Variants in SIPA1L3 observed in about 807,000 individuals in gnomAD.
SIPA1L3 encodes the protein signal induced proliferation associated 1 like 3.
SIPA1L3 carries 59 observed loss-of-function variants against 150.1 expected under a neutral mutation model. The observed-to-expected ratio is 0.39, with a 90% CI of 0.32 to 0.49. The LOEUF (loss-of-function observed/expected upper bound fraction) is 0.49, where lower values mean the gene tolerates loss of function less well. SIPA1L3 is among the 20% of genes least tolerant of loss of function. The pLI, the probability that SIPA1L3 is intolerant of heterozygous loss-of-function variation, is 0.86. For synonymous variants in SIPA1L3, 1,070 were observed against 1,077.6 expected (o/e 0.99, Z 0.14); for missense variants, 2,211 against 2,489.5 (o/e 0.89, Z 2.38).
chr19:38,102,287 T>C (rs184112872), intron 6 of SIPA1L3, among the ~76,000 whole-genome samples: 18,693 of 143,874 alleles, frequency 0.13, 1,451 homozygotes, highest in African/African-American at 0.16. Context: ...CCTCGTGATC[T>C]GCCCACCTCG....
chr19:38,004,345 G>A (rs1967883549), intron 1 of SIPA1L3, among the ~76,000 whole-genome samples: 1 of 152,228 alleles, frequency 6.6e-6, no homozygotes, highest in Non-Finnish European at 1.5e-5. Context: ...TTACTTGGTT[G>A]CAAGTAACAA....
chr19:38,022,569 G>A (rs528899448), intron 1 of SIPA1L3, among the ~76,000 whole-genome samples: 6 of 140,986 alleles, frequency 4.3e-5, no homozygotes, highest in East Asian at 4.2e-4. Flanking sequence ...AAAATCGGGC[G>A]TGGTGGCAGG....
At chr19:37,950,099 A>T (rs952120417) in intron 1 of SIPA1L3, among the ~76,000 whole-genome samples, 14 of 151,082 alleles carry the variant, frequency 9.3e-5, no homozygotes, top group Admixed American at 5.3e-4. Flanking sequence ...AAAAAAAAAA[A>T]AGAGTGTGAC....
At position 38,164,550 on chromosome 19, in the gene SIPA1L3, C is replaced by T. The variant is rs372019990; in HGVS notation, c.3852C>T (p.Asp1284=). The T allele has an allele frequency of 9.3e-6, 15 of 1,613,986 alleles. No individual in the cohort carries two copies. Among genetic ancestry groups the T allele is most frequent in the African/African-American group, 5.3e-5 (4 of 74,938 alleles). The stretch of plus-strand genomic sequence containing the variant: ...GCAACGCATCCAGCAGCCACAGCGA[C>T]GACCGCTGGTTCGACCCCCTGGACC... ...LSSNASSSHS[D]DRWFDPLDPL... Residue 1284 remains aspartate, a synonymous_variant, in exon 15 of 22, where the codon GAC becomes GAT. Coordinates refer to ENST00000222345, the MANE Select transcript of SIPA1L3 (RefSeq NM_015073.3). The surrounding 1 kb of genome is among the most constrained non-coding windows in gnomAD (Gnocchi z 4.1).
chr19:37,968,160 C>T (rs995714191), intron 1 of SIPA1L3, among the ~76,000 whole-genome samples: 2 of 151,504 alleles, frequency 1.3e-5, no homozygotes, highest in African/African-American at 2.4e-5. Context: ...GCAACCTCTG[C>T]CTCCCGGGTT....
chr19:38,000,564 C>A (rs1433388656), intron 1 of SIPA1L3, among the ~76,000 whole-genome samples: 1 of 149,542 alleles, frequency 6.7e-6, no homozygotes, highest in Non-Finnish European at 1.5e-5. Context: ...GAGGGAAGCA[C>A]TTTTCTCCCC....
chr19:37,985,270 C>T (rs1156982117), intron 1 of SIPA1L3, among the ~76,000 whole-genome samples: 1 of 151,002 alleles, frequency 6.6e-6, no homozygotes, highest in African/African-American at 2.4e-5. Flanking sequence ...AATCTTGGCT[C>T]ACTGCAGCCT....
Position 38,013,950 on chromosome 19 carries a change from T to C in SIPA1L3, c.-378-15139T>C, listed in dbSNP as rs976302423. ...CAGAGAAGTAAATTTGATAAGATCC[T>C]GTTGATGTAAAATACAGCGACAAAA... On this transcript the variant is annotated intron_variant, in intron 1 of 21. Coordinates refer to ENST00000222345, the MANE Select transcript of SIPA1L3 (RefSeq NM_015073.3). Among the ~76,000 whole-genome samples, 13 of 152,248 alleles carry C rather than the reference T, an allele frequency of 8.5e-5. 1 individual carries two copies. Among genetic ancestry groups the C allele is most frequent in the African/African-American group, 3.1e-4 (13 of 41,470 alleles).
At chr19:38,035,884 G>A (rs556727129) in intron 2 of SIPA1L3, among the ~76,000 whole-genome samples, 24 of 152,306 alleles carry the variant, frequency 1.6e-4, no homozygotes, top group African/African-American at 5.8e-4. Context: ...AGCTGCTGCT[G>A]TTGTGATTAT....
intron 15 of SIPA1L3, among the ~76,000 whole-genome samples, chr19:38,177,586 A>ATG (rs1263536715): frequency 1.3e-5 from 2 of 152,190 alleles, no homozygotes; most frequent in African/African-American, 4.8e-5. Flanking sequence ...ATATGTGTGT[A>ATG]TATCTATCTA....
intron 15 of SIPA1L3, among the ~76,000 whole-genome samples, chr19:38,178,341 T>G (rs1972488199): frequency 6.6e-6 from 1 of 151,740 alleles, no homozygotes; most frequent in Non-Finnish European, 1.5e-5. Flanking sequence ...CGTCCCTAGA[T>G]AGAGTCTCTA....
chr19:38,066,202 G>A (rs987507304), intron 2 of SIPA1L3, among the ~76,000 whole-genome samples: 2 of 151,738 alleles, frequency 1.3e-5, no homozygotes, highest in African/African-American at 4.8e-5. Context: ...AATTTTTGTA[G>A]AGATAGGGTC....
chr19:38,022,902 C>T (rs948343263), intron 1 of SIPA1L3, among the ~76,000 whole-genome samples: 13 of 152,174 alleles, frequency 8.5e-5, no homozygotes, highest in African/African-American at 2.7e-4. Flanking sequence ...TGAGGTTACC[C>T]TCTCTTCATC....
intron 1 of SIPA1L3, among the ~76,000 whole-genome samples, chr19:37,982,889 C>T (rs921223175): frequency 6.6e-6 from 1 of 152,208 alleles, no homozygotes; most frequent in Non-Finnish European, 1.5e-5. Context: ...CTTAGCTCCT[C>T]CTGGCTATTC....
chr19:38,044,768 T>A (rs1042615058), intron 2 of SIPA1L3, among the ~76,000 whole-genome samples: 1 of 151,956 alleles, frequency 6.6e-6, no homozygotes, highest in Non-Finnish European at 1.5e-5. Context: ...ATGGCAGAAG[T>A]GTGTTCTATG....
At chr19:38,196,132 C>G (rs1042172817) in intron 18 of SIPA1L3, among the ~76,000 whole-genome samples, 2 of 152,180 alleles carry the variant, frequency 1.3e-5, no homozygotes, top group Non-Finnish European at 2.9e-5. Context: ...GGGCCCCATC[C>G]CAGATGAAGA....
chr19:37,929,141 C>T (rs897032415), intron 1 of SIPA1L3, among the ~76,000 whole-genome samples: 30 of 152,196 alleles, frequency 2.0e-4, no homozygotes, highest in Non-Finnish European at 4.1e-4. Flanking sequence ...TGTGACCCTG[C>T]CCAGAGAAAC....
chr19:37,984,031 G>T (rs1049419156), intron 1 of SIPA1L3, among the ~76,000 whole-genome samples: 5 of 152,082 alleles, frequency 3.3e-5, no homozygotes, highest in Non-Finnish European at 5.9e-5. Flanking sequence ...ACGAAACTAT[G>T]TGTTCTTTGT....
chr19:37,927,272 G>A (rs1224525721), intron 1 of SIPA1L3, among the ~76,000 whole-genome samples: 1 of 151,552 alleles, frequency 6.6e-6, no homozygotes, highest in Non-Finnish European at 1.5e-5. Flanking sequence ...AGCCTCCCGA[G>A]TAGCTGGGAT....
Sources: allele counts gnomAD v4.1 joint callset (sites outside exome capture counted in the v4.1 genomes callset), GRCh38; gene constraint gnomAD v4.1.1; non-coding constraint Gnocchi (gnomAD v3.1); transcripts MANE v1.5; gene names NCBI Gene and HGNC (gene_info 2026-07-23, HGNC 2026-07-21).